RIPOR3: variants seen among roughly 807,000 people sequenced by gnomAD.
RIPOR3 encodes the protein family with sequence similarity 65 member C.
A neutral mutation model predicts 114.3 loss-of-function variants in RIPOR3; 95 were observed. The observed-to-expected ratio is 0.83, with a 90% CI of 0.70 to 0.99. RIPOR3 has a LOEUF of 0.99. Ranked by LOEUF, RIPOR3 falls within the 50% of genes least tolerant of loss-of-function variation. The probability of loss-of-function intolerance (pLI) is 0.00; values close to 1 mark genes in which losing one functional copy is unlikely to be tolerated. For missense variants in RIPOR3, 1,252 were observed against 1,266.9 expected, an observed-to-expected ratio of 0.99 and a Z score of 0.18; for synonymous variants, 575 against 543.8, an observed-to-expected ratio of 1.06 and a Z score of -0.80.
chr20:50,616,755 C>A (rs576237617), intron 3 of RIPOR3, among the ~76,000 whole-genome samples: 28 of 152,198 alleles, frequency 1.8e-4, no homozygotes, highest in Non-Finnish European at 2.9e-4. Flanking sequence ...CACACAGTGG[C>A]CTTCTGAGCC....
chr20:50,604,189 A>G (rs907181034), intron 12 of RIPOR3, among the ~76,000 whole-genome samples: 2 of 152,040 alleles, frequency 1.3e-5, no homozygotes, highest in Admixed American at 6.6e-5. Flanking sequence ...CCGTCTCAAA[A>G]AAAAAAAACA....
chr20:50,605,710 G>T (rs894833668), intron 11 of RIPOR3, among the ~76,000 whole-genome samples: 1 of 151,902 alleles, frequency 6.6e-6, no homozygotes, highest in Admixed American at 6.6e-5. Flanking sequence ...CCTGGGAGGT[G>T]GAGGCTGCAG....
At chr20:50,687,386 T>C (rs2087064506) in intron 1 of RIPOR3, among the ~76,000 whole-genome samples, 1 of 152,248 alleles carries the variant, frequency 6.6e-6, no homozygotes, top group Non-Finnish European at 1.5e-5. Context: ...CCAAGGCCCA[T>C]GCCTGGGGTC....
intron 1 of RIPOR3, among the ~76,000 whole-genome samples, chr20:50,665,135 C>A (rs1333046164): frequency 6.6e-6 from 1 of 151,460 alleles, no homozygotes; most frequent in Non-Finnish European, 1.5e-5. Flanking sequence ...ACAAAACAAA[C>A]AAAAAAACCC....
At chr20:50,625,986 G>C (rs1031935512) in intron 2 of RIPOR3, among the ~76,000 whole-genome samples, 2 of 152,238 alleles carry the variant, frequency 1.3e-5, no homozygotes, top group African/African-American at 4.8e-5. Flanking sequence ...CCAGAGTAGG[G>C]GTCAAGGTGG....
rs559652124 is a variant in RIPOR3 at position 50,592,975 on chromosome 20, G to A, written c.2374+60C>T. Reference sequence around the variant, plus strand: ...GTTCTGAATTATAACCTGAGAAACTGCATGTGACAGGGCTCCGTGGATATT... The same window carrying A: ...GTTCTGAATTATAACCTGAGAAACTACATGTGACAGGGCTCCGTGGATATT... On this transcript the variant is annotated intron_variant, in intron 18 of 21. Transcript: ENST00000327979. 8 of 1,582,406 alleles carry A rather than the reference G, an allele frequency of 5.1e-6. No homozygotes were observed. In the African/African-American group the frequency reaches 6.7e-5, roughly 13 times the overall value.
intron 20 of RIPOR3, among the ~76,000 whole-genome samples, 193 bp downstream of exon 20, chr20:50,589,493 G>A (rs146044708): frequency 5.9e-5 from 9 of 151,976 alleles, no homozygotes; most frequent in Non-Finnish European, 1.2e-4. Context: ...ATGGAGTTTC[G>A]CCATGTTGGC....
intron 11 of RIPOR3, 109 bp downstream of exon 11, chr20:50,608,280 A>G: frequency 6.7e-7 from 1 of 1,503,456 alleles, no homozygotes; most frequent in Non-Finnish European, 9.0e-7. Flanking sequence ...CCGTGAGGGC[A>G]GGGACACCCT....
intron 1 of RIPOR3, among the ~76,000 whole-genome samples, chr20:50,640,339 A>AGCAGAGCCGAGACCTG: frequency 6.6e-6 from 1 of 151,238 alleles, no homozygotes; most frequent in Non-Finnish European, 1.5e-5. Context: ...CGTTTGCCAG[A>AGCAGAGCCGAGACCTG]GCAGAGCCGA....
intron 1 of RIPOR3, among the ~76,000 whole-genome samples, chr20:50,689,337 A>G (rs2087132207): frequency 6.6e-6 from 1 of 151,984 alleles, no homozygotes; most frequent in Non-Finnish European, 1.5e-5. Context: ...CACCACGGCC[A>G]GCTAATTTTT....
At chr20:50,603,122 T>G (rs1311528033) in intron 12 of RIPOR3, among the ~76,000 whole-genome samples, 1 of 152,240 alleles carries the variant, frequency 6.6e-6, no homozygotes, top group Non-Finnish European at 1.5e-5. Context: ...CTTATGCCCC[T>G]GGGGCTGGCT....
chr20:50,649,389 G>A (rs2085523286), intron 1 of RIPOR3, among the ~76,000 whole-genome samples: 1 of 152,148 alleles, frequency 6.6e-6, no homozygotes, highest in African/African-American at 2.4e-5. Context: ...AGTTTGTAGT[G>A]GGCTGAGATC....
intron 1 of RIPOR3, among the ~76,000 whole-genome samples, chr20:50,671,450 A>G (rs2123533539): frequency 6.6e-6 from 1 of 150,872 alleles, no homozygotes; most frequent in South Asian, 2.1e-4. Flanking sequence ...ACACACACAC[A>G]CACACACACA....
intron 1 of RIPOR3, among the ~76,000 whole-genome samples, chr20:50,654,200 CTT>C (rs1322547376): frequency 4.6e-5 from 7 of 151,744 alleles, no homozygotes; most frequent in South Asian, 2.1e-4. Context: ...AAATTTCTCT[CTT>C]GTCTCCCAGG....
chr20:50,683,991 G>A (rs898600713), intron 1 of RIPOR3, among the ~76,000 whole-genome samples: 1 of 151,938 alleles, frequency 6.6e-6, no homozygotes, highest in South Asian at 2.1e-4. Flanking sequence ...TGAGGCAGGA[G>A]AATCACCTGA....
intron 15 of RIPOR3, 122 bp downstream of exon 15, chr20:50,596,018 G>T: frequency 7.2e-7 from 1 of 1,396,862 alleles, no homozygotes; most frequent in Non-Finnish European, 9.8e-7. Flanking sequence ...TCAGTCTCAC[G>T]GGCTTCCAGG....
At chr20:50,630,696 C>T (rs747436073) in intron 2 of RIPOR3, 42 bp downstream of exon 2, 2 of 1,516,430 alleles carry the variant, frequency 1.3e-6, no homozygotes, top group Non-Finnish European at 1.8e-6. Context: ...CATTAACAAG[C>T]CCCACCCCTG....
Position 50,644,723 on chromosome 20 carries a change from T to C in RIPOR3, c.4-13867A>G, listed in dbSNP as rs548110695. Among the ~76,000 whole-genome samples the C allele has an allele frequency of 1.5e-3, 208 of 142,582 alleles. 1 individual carries two copies. Among genetic ancestry groups the C allele is most frequent in the South Asian group, 6.5e-3 (27 of 4,174 alleles). The allele number at this position is 142,582 out of a possible 152,430, so 93.5% of individuals were successfully genotyped here. A position where few individuals can be genotyped will look rare whatever the true frequency, so the allele number is the denominator to read the frequency against. The stretch of plus-strand genomic sequence containing the variant: ...TTTTTGTAGAGACGGAGTTTCACCA[T>C]GTTGCCCAGACTATTCTCAAACTCC... On this transcript the variant is annotated intron_variant, in intron 1 of 21. Coordinates refer to ENST00000327979, the MANE Select transcript of RIPOR3 (RefSeq NM_001290268.2).
intron 13 of RIPOR3, among the ~76,000 whole-genome samples, chr20:50,600,315 AAAAAG>A (rs2083449395): frequency 6.6e-6 from 1 of 152,242 alleles, no homozygotes; most frequent in African/African-American, 2.4e-5. Context: ...CGTTTGCCAA[AAAAAG>A]AAAAGTTCCT....
Sources: allele counts gnomAD v4.1 joint callset (sites outside exome capture counted in the v4.1 genomes callset), GRCh38; gene constraint gnomAD v4.1.1; transcripts MANE v1.5; gene names NCBI Gene and HGNC (gene_info 2026-07-23, HGNC 2026-07-21).